The following VMP1 variants were observed in gnomAD, a reference collection of about 807,000 sequenced individuals.
The protein encoded by VMP1 is ectopic P-granules autophagy protein 3 homolog.
VMP1 carries 11 observed loss-of-function variants against 56.0 expected under a neutral mutation model. The observed-to-expected ratio is 0.20, with a 90% CI of 0.12 to 0.32. The LOEUF (loss-of-function observed/expected upper bound fraction) is 0.32. VMP1 is among the 10% of genes least tolerant of loss of function. The pLI is 1.00. For synonymous variants in VMP1, 149 were observed against 165.0 expected (o/e 0.90, Z 0.74); for missense variants, 296 against 490.3 (o/e 0.60, Z 3.74).
chr17:59,840,723 C>G lies in VMP1; in HGVS notation c.*812C>G, dbSNP rs561155694. The G allele has an allele frequency of 6.6e-6, 1 of 152,358 alleles. No individual in the cohort carries two copies. Among genetic ancestry groups the G allele is most frequent in the African/African-American group, 2.4e-5 (1 of 41,550 alleles). The allele number at this position is 152,358 out of a possible 1,614,324, so 9.4% of individuals were successfully genotyped here. On this transcript the variant is annotated 3_prime_UTR_variant, in exon 12 of 12. Transcript: ENST00000262291. Reference sequence around the variant, plus strand: ...TTTATTTGCATGAGAGAGCCACTACCAAGGCATGTTTTGTTATGCTGAAAC... The same window carrying G: ...TTTATTTGCATGAGAGAGCCACTACGAAGGCATGTTTTGTTATGCTGAAAC...
intron 5 of VMP1, among the ~76,000 whole-genome samples, chr17:59,750,850 T>C (rs1262780220): frequency 1.3e-5 from 2 of 152,168 alleles, no homozygotes; most frequent in Admixed American, 6.5e-5. Context: ...ATTTCATTCA[T>C]TTACCTTATT....
intron 9 of VMP1, among the ~76,000 whole-genome samples, chr17:59,817,231 G>A (rs185227492): frequency 5.4e-5 from 5 of 92,720 alleles, no homozygotes; most frequent in Non-Finnish European, 1.0e-4. Flanking sequence ...TTGAGATCAC[G>A]CCATGGCACT....
chr17:59,713,239 C>T (rs183511476), intron 1 of VMP1, among the ~76,000 whole-genome samples: 6 of 140,538 alleles, frequency 4.3e-5, no homozygotes, highest in East Asian at 2.3e-4. Context: ...CATCACACAC[C>T]GGGGCCTGTT....
At chr17:59,822,216 A>G (rs2038479262) in intron 10 of VMP1, among the ~76,000 whole-genome samples, 1 of 152,046 alleles carries the variant, frequency 6.6e-6, no homozygotes, top group South Asian at 2.1e-4. Flanking sequence ...TTATTATCAG[A>G]TCCCAAAGGG....
intron 1 of VMP1, among the ~76,000 whole-genome samples, chr17:59,717,583 G>C (rs937979928): frequency 1.3e-5 from 2 of 152,082 alleles, no homozygotes; most frequent in Non-Finnish European, 2.9e-5. Context: ...GGGTTCCACA[G>C]TGTTGGCCAG....
intron 7 of VMP1, among the ~76,000 whole-genome samples, chr17:59,774,115 C>G (rs892855008): frequency 6.6e-6 from 1 of 151,840 alleles, no homozygotes; most frequent in Non-Finnish European, 1.5e-5. Context: ...ACTAAAACAC[C>G]TTGTCAGAAA....
intron 6 of VMP1, among the ~76,000 whole-genome samples, chr17:59,768,487 C>T (rs1477853556): frequency 6.6e-6 from 1 of 152,002 alleles, no homozygotes; most frequent in Non-Finnish European, 1.5e-5. Flanking sequence ...CCTGTAGTCA[C>T]TGCTACTCGG....
chr17:59,780,753 A>AT (rs2036793491), intron 7 of VMP1, among the ~76,000 whole-genome samples: 1 of 151,646 alleles, frequency 6.6e-6, no homozygotes, highest in South Asian at 2.1e-4. Flanking sequence ...CGCCTGGCTA[A>AT]TTTTTTGTAT....
chr17:59,773,305 G>C (rs988050848), intron 6 of VMP1, among the ~76,000 whole-genome samples: 3 of 132,746 alleles, frequency 2.3e-5, no homozygotes, highest in South Asian at 4.3e-4. Flanking sequence ...CAGAAGCGGT[G>C]GGGGGGGGCA....
chr17:59,765,469 A>G (rs1421143229), intron 6 of VMP1, among the ~76,000 whole-genome samples: 1 of 152,236 alleles, frequency 6.6e-6, no homozygotes, highest in African/African-American at 2.4e-5. Context: ...GGAAATCCAC[A>G]TATAACTTTT....
chr17:59,777,394 A>G (rs1210674752), intron 7 of VMP1, among the ~76,000 whole-genome samples: 1 of 151,962 alleles, frequency 6.6e-6, no homozygotes, highest in Non-Finnish European at 1.5e-5. Flanking sequence ...AATTGTCTTC[A>G]AGTTTCTGTA....
At chr17:59,827,470 C>T (rs370099548) in intron 10 of VMP1, among the ~76,000 whole-genome samples, 1 of 152,002 alleles carries the variant, frequency 6.6e-6, no homozygotes, top group Non-Finnish European at 1.5e-5. Flanking sequence ...GCATGCACCA[C>T]CACCCCCAGC....
chr17:59,794,517 AT>A (rs71145572), intron 7 of VMP1, among the ~76,000 whole-genome samples: 2,122 of 42,888 alleles, frequency 0.049, 43 homozygotes, highest in Non-Finnish European at 0.057. Context: ...CGCGCCCTGC[AT>A]TTTTTTTTTT....
intron 10 of VMP1, 48 bp from the exon 11 acceptor site, chr17:59,838,247 T>G (rs1337736377): frequency 6.5e-7 from 1 of 1,537,772 alleles, no homozygotes; most frequent in African/African-American, 1.4e-5. Context: ...TTCCTGCTTT[T>G]CTTCCCAAAT....
chr17:59,812,891 A>G (rs2038100806), intron 9 of VMP1, among the ~76,000 whole-genome samples: 2 of 152,190 alleles, frequency 1.3e-5, no homozygotes, highest in South Asian at 4.1e-4. Context: ...AGATCACGCC[A>G]CTGCACTCCA....
chr17:59,771,961 GT>G (rs2036443478), intron 6 of VMP1, among the ~76,000 whole-genome samples: 1 of 151,864 alleles, frequency 6.6e-6, no homozygotes, highest in Non-Finnish European at 1.5e-5. Context: ...TTCTCTGTCT[GT>G]TTTTTGACTA....
At chr17:59,809,484 A>ATTTTTTTTTTTT (rs71145575) in intron 8 of VMP1, among the ~76,000 whole-genome samples, 1 of 52,716 alleles carries the variant, frequency 1.9e-5, no homozygotes, top group Non-Finnish European at 3.2e-5. Flanking sequence ...CACCCAGCTA[A>ATTTTTTTTTTTT]TTTTTTTTTT....
chr17:59,821,101 G>A (rs1003790061), intron 10 of VMP1, among the ~76,000 whole-genome samples: 2 of 151,494 alleles, frequency 1.3e-5, no homozygotes, highest in African/African-American at 4.9e-5. Flanking sequence ...CCCCCGAGTA[G>A]CTGGGACTAC....
chr17:59,817,663 G>GT, intron 9 of VMP1, 49 bp from the exon 10 acceptor site: 1 of 1,395,592 alleles, frequency 7.2e-7, no homozygotes, highest in Admixed American at 1.8e-5. Flanking sequence ...AATTTATGTT[G>GT]GTTTTTTGAT....
Sources: allele counts gnomAD v4.1 joint callset (sites outside exome capture counted in the v4.1 genomes callset), GRCh38; gene constraint gnomAD v4.1.1; transcripts MANE v1.5; gene names NCBI Gene and HGNC (gene_info 2026-07-23, HGNC 2026-07-21).